LUZP1: variants seen among roughly 807,000 people sequenced by gnomAD.
The protein encoded by LUZP1 is leucine zipper protein 1, also known as filamin mechanobinding actin cross-linking protein.
Under a neutral mutation model 71.3 loss-of-function variants are expected in LUZP1, and 25 were observed. The observed-to-expected ratio is 0.35, with a 90% CI of 0.26 to 0.49. LUZP1 has a LOEUF of 0.49. Ranked by LOEUF, LUZP1 falls within the 20% of genes least tolerant of loss-of-function variation. LUZP1 has a pLI of 0.99. For missense variants in LUZP1, 1,142 were observed against 1,300.8 expected (o/e 0.88, Z 1.88); for synonymous variants, 481 against 506.4 (o/e 0.95, Z 0.67).
chr1:23,144,365 G>GA (rs1275003007), intron 2 of LUZP1, among the ~76,000 whole-genome samples: 1 of 151,422 alleles, frequency 6.6e-6, no homozygotes, highest in African/African-American at 2.4e-5. Flanking sequence ...TGTAAGAAGG[G>GA]AAAAAAGCCC....
At chr1:23,137,899 G>T (rs567904376) in intron 2 of LUZP1, among the ~76,000 whole-genome samples, 66 of 152,320 alleles carry the variant, frequency 4.3e-4, no homozygotes, top group East Asian at 7.7e-4. Context: ...AAAACTTGTA[G>T]AAGTATTCAT....
chr1:23,134,283 C>A (rs916837254), intron 2 of LUZP1, among the ~76,000 whole-genome samples: 1 of 152,094 alleles, frequency 6.6e-6, no homozygotes, highest in Non-Finnish European at 1.5e-5. Flanking sequence ...GAGTCTGAGA[C>A]CAGCCTGGGC....
At chr1:23,172,729 G>A (rs1644559397) in intron 1 of LUZP1, among the ~76,000 whole-genome samples, 1 of 151,904 alleles carries the variant, frequency 6.6e-6, no homozygotes, top group Non-Finnish European at 1.5e-5. Context: ...TGCCCAGGCT[G>A]GTCTCGAATG....
chr1:23,125,131 T>A (rs1644161911), intron 2 of LUZP1, among the ~76,000 whole-genome samples: 1 of 152,178 alleles, frequency 6.6e-6, no homozygotes, highest in African/African-American at 2.4e-5. Context: ...TAGCCCTCCC[T>A]GGAAGCTGGC....
intron 2 of LUZP1, among the ~76,000 whole-genome samples, chr1:23,164,479 G>A (rs577585063): frequency 7.3e-5 from 11 of 150,478 alleles, no homozygotes; most frequent in African/African-American, 2.4e-4. Context: ...GTGACACAGT[G>A]AGACACCGTC....
chr1:23,170,488 C>T (rs1158753339), intron 1 of LUZP1, among the ~76,000 whole-genome samples: 5 of 104,250 alleles, frequency 4.8e-5, no homozygotes, highest in South Asian at 3.0e-4. Flanking sequence ...TTTTTTGAGA[C>T]GAATTTTCTC....
At chr1:23,143,567 T>C (rs1312241642) in intron 2 of LUZP1, among the ~76,000 whole-genome samples, 2 of 152,232 alleles carry the variant, frequency 1.3e-5, no homozygotes, top group Admixed American at 1.3e-4. Context: ...CACATATTCT[T>C]ACCATAAACA....
intron 2 of LUZP1, among the ~76,000 whole-genome samples, chr1:23,155,726 G>A (rs1644416612): frequency 6.6e-6 from 1 of 152,046 alleles, no homozygotes. Flanking sequence ...TGAGATGAGG[G>A]AATCACTTGA....
chr1:23,162,640 A>C (rs1644477662), intron 2 of LUZP1: 1 of 152,016 alleles, frequency 6.6e-6, no homozygotes, highest in East Asian at 1.9e-4. Flanking sequence ...GGGTTTCACC[A>C]TGTTAGCCCA....
intron 2 of LUZP1, among the ~76,000 whole-genome samples, chr1:23,147,822 CATT>C (rs1644355210): frequency 6.6e-6 from 1 of 152,130 alleles, no homozygotes; most frequent in Non-Finnish European, 1.5e-5. Flanking sequence ...ATATGTTTTA[CATT>C]TCACATTTCA....
intron 2 of LUZP1, among the ~76,000 whole-genome samples, chr1:23,150,961 T>C (rs1183210986): frequency 2.0e-5 from 3 of 152,202 alleles, no homozygotes; most frequent in Non-Finnish European, 4.4e-5. Context: ...TACAAAGGCA[T>C]AGGAGGGACA....
rs1643886005 is a variant in LUZP1 at position 23,095,177 on chromosome 1, A to G, written c.-119-797T>C. Among the ~76,000 whole-genome samples, 3 of 152,194 alleles carry G rather than the reference A, an allele frequency of 2.0e-5. No individual in the cohort carries two copies. In the South Asian group the frequency reaches 6.2e-4, roughly 32 times the overall value. On this transcript the variant is annotated intron_variant, in intron 3 of 4. Coordinates refer to ENST00000302291, the Ensembl canonical transcript of LUZP1. ...ATAATAATACCCCAAGGAAATAGAGAAAGGGGAAGGTTTAGTTTTTTTATG... is the reference window on the plus strand; with the variant it reads ...ATAATAATACCCCAAGGAAATAGAGGAAGGGGAAGGTTTAGTTTTTTTATG...
chr1:23,108,232 T>C (rs1158396432), intron 3 of LUZP1, among the ~76,000 whole-genome samples: 1 of 152,248 alleles, frequency 6.6e-6, no homozygotes, highest in Non-Finnish European at 1.5e-5. Context: ...AAAGGTTTTG[T>C]ATTTTGCTTT....
At chr1:23,168,101 G>C (rs1473043517) in intron 2 of LUZP1, among the ~76,000 whole-genome samples, 2 of 148,286 alleles carry the variant, frequency 1.3e-5, no homozygotes, top group Non-Finnish European at 1.5e-5. Context: ...CCAGCAGAGC[G>C]CCCGGGACGC....
chr1:23,153,798 G>A (rs1246790087), intron 2 of LUZP1, among the ~76,000 whole-genome samples: 1 of 152,110 alleles, frequency 6.6e-6, no homozygotes, highest in African/African-American at 2.4e-5. Context: ...ACCCACAAAC[G>A]GTGGTGCACA....
chr1:23,115,586 G>C (rs1242587420), intron 2 of LUZP1, among the ~76,000 whole-genome samples: 1 of 152,142 alleles, frequency 6.6e-6, no homozygotes, highest in Admixed American at 6.5e-5. Flanking sequence ...TGTTGCCCAG[G>C]CTGGAGTGCA....
intron 3 of LUZP1, among the ~76,000 whole-genome samples, chr1:23,097,224 GTTAC>G (rs1213467879): frequency 6.6e-6 from 1 of 152,082 alleles, no homozygotes; most frequent in Non-Finnish European, 1.5e-5. Context: ...TGCACTGGGG[GTTAC>G]GTTTCAACAC....
Position 23,154,009 on chromosome 1 carries a change from C to G in LUZP1, c.-226+14757G>C, listed in dbSNP as rs542554501. 3.9e-5 allele frequency among the ~76,000 whole-genome samples: 6 copies of G among 152,298 alleles called. No individual in the cohort carries two copies. The East Asian group carries it at 1.2e-3, about 29-fold the overall frequency. On this transcript the variant is annotated intron_variant, in intron 2 of 4. Coordinates refer to ENST00000302291, the Ensembl canonical transcript of LUZP1. ...CTACTCAGCAATGTAAAGGAATGAG[C>G]TGCTGATACATGCAATAATGTGGAT...
chr1:23,130,079 T>A (rs1644202254), intron 2 of LUZP1, among the ~76,000 whole-genome samples: 1 of 152,180 alleles, frequency 6.6e-6, no homozygotes, highest in Non-Finnish European at 1.5e-5. Context: ...GACAGACTGA[T>A]CCACTCATTT....
Sources: allele counts gnomAD v4.1 joint callset (sites outside exome capture counted in the v4.1 genomes callset), GRCh38; gene constraint gnomAD v4.1.1; transcripts MANE v1.5; gene names NCBI Gene and HGNC (gene_info 2026-07-23, HGNC 2026-07-21).